IGFBP7: variants seen among roughly 807,000 people sequenced by gnomAD.
IGFBP7 encodes insulin-like growth factor-binding protein 7.
Under a neutral mutation model 29.4 loss-of-function variants are expected in IGFBP7, and 31 were observed. The observed-to-expected ratio is 1.05, with a 90% CI of 0.79 to 1.42. IGFBP7 has a LOEUF of 1.42. IGFBP7 is among the 40% of genes most tolerant of loss of function. The probability of loss-of-function intolerance (pLI) is 0.00; values close to 1 mark genes in which losing one functional copy is unlikely to be tolerated. For missense variants in IGFBP7, 393 were observed against 395.5 expected (o/e 0.99, Z 0.05); for synonymous variants, 172 against 174.9 (o/e 0.98, Z 0.13).
intron 1 of IGFBP7, among the ~76,000 whole-genome samples, chr4:57,090,502 GT>G (rs1725612030): frequency 6.6e-6 from 1 of 152,150 alleles, no homozygotes; most frequent in African/African-American, 2.4e-5. Flanking sequence ...TCCTCACAAA[GT>G]TCTTAATGCT....
In IGFBP7 at chr4:57,087,059, T is replaced by C. The variant is rs539701380; in HGVS notation, c.475+22818A>G. Among the ~76,000 whole-genome samples the C allele has an allele frequency of 2.4e-4, 36 of 152,228 alleles. No homozygotes were observed. The South Asian group carries it at 6.6e-3, about 28-fold the overall frequency. On this transcript the variant is annotated intron_variant, in intron 1 of 4. Transcript: ENST00000295666. ...TAGTGGCTCAGTTATTATGAGGAGA[T>C]TGAATACAGGAGACCGACACACTGT... is the stretch of plus-strand genomic sequence containing the variant.
chr4:57,092,161 C>T (rs1725657642), intron 1 of IGFBP7, among the ~76,000 whole-genome samples: 1 of 152,162 alleles, frequency 6.6e-6, no homozygotes, highest in Non-Finnish European at 1.5e-5. Flanking sequence ...TGGGTGGCTG[C>T]CCTTACAACA....
At chr4:57,092,223 A>G (rs1384566052) in intron 1 of IGFBP7, among the ~76,000 whole-genome samples, 1 of 152,224 alleles carries the variant, frequency 6.6e-6, no homozygotes, top group Admixed American at 6.5e-5. Flanking sequence ...ATGAACCTCA[A>G]TTCAATTATG....
intron 1 of IGFBP7, among the ~76,000 whole-genome samples, chr4:57,089,350 T>C (rs998861978): frequency 2.0e-5 from 3 of 152,314 alleles, no homozygotes; most frequent in Non-Finnish European, 4.4e-5. Context: ...ACATATTAAA[T>C]TAAATCAGGC....
chr4:57,078,266 G>T (rs1713977), intron 1 of IGFBP7, among the ~76,000 whole-genome samples: 5 of 151,836 alleles, frequency 3.3e-5, no homozygotes, highest in Admixed American at 6.6e-5. Flanking sequence ...TTACAGAGGA[G>T]GAAACTGAGA....
At chr4:57,059,813 T>C (rs1290013540) in intron 1 of IGFBP7, among the ~76,000 whole-genome samples, 1 of 152,216 alleles carries the variant, frequency 6.6e-6, no homozygotes, top group African/African-American at 2.4e-5. Context: ...CATCATCAAC[T>C]TTAATATCTA....
At chr4:57,035,391 A>T (rs2109736997) in intron 2 of IGFBP7, among the ~76,000 whole-genome samples, 1 of 152,332 alleles carries the variant, frequency 6.6e-6, no homozygotes, top group East Asian at 1.9e-4. Context: ...TTTTCATATG[A>T]CAAATTTTTA....
At chr4:57,071,216 A>C (rs1432549884) in intron 1 of IGFBP7, among the ~76,000 whole-genome samples, 1 of 152,178 alleles carries the variant, frequency 6.6e-6, no homozygotes, top group Non-Finnish European at 1.5e-5. Flanking sequence ...GGGGGGAATG[A>C]AATACTTGGT....
chr4:57,071,005 A>G (rs1718841), intron 1 of IGFBP7, among the ~76,000 whole-genome samples: 151,042 of 152,334 alleles, frequency 0.99, 74,893 homozygotes, highest in East Asian at 1. Context: ...ACACTACTTC[A>G]TATTTCTTCT....
chr4:57,076,655 G>A (rs947596931), intron 1 of IGFBP7, among the ~76,000 whole-genome samples: 4 of 152,194 alleles, frequency 2.6e-5, no homozygotes, highest in African/African-American at 9.6e-5. Context: ...CAGCTTAGAA[G>A]GTGACGTGGG....
chr4:57,080,753 C>T (rs1725346473), intron 1 of IGFBP7, among the ~76,000 whole-genome samples: 2 of 152,188 alleles, frequency 1.3e-5, no homozygotes, highest in Non-Finnish European at 2.9e-5. Flanking sequence ...GTCTTACTCA[C>T]TCACCCTATG....
chr4:57,052,943 G>A (rs1203737986), intron 1 of IGFBP7, among the ~76,000 whole-genome samples: 1 of 151,958 alleles, frequency 6.6e-6, no homozygotes, highest in Admixed American at 6.5e-5. Context: ...CACAGAACAT[G>A]CACAGAAAGT....
chr4:57,073,128 C>A, intron 1 of IGFBP7: 2 of 1,596,138 alleles, frequency 1.3e-6, no homozygotes, highest in South Asian at 2.2e-5. Context: ...AGCCAGGAGC[C>A]CTGACCCAGG....
chr4:57,109,637 T>G, intron 1 of IGFBP7: 1 of 569,932 alleles, frequency 1.8e-6, no homozygotes, highest in Non-Finnish European at 3.0e-6. Flanking sequence ...CGGCCCTCAC[T>G]TTCTGGACGC....
rs547956612 is a variant in IGFBP7, at chr4:57,031,892, A to C, written c.829+534T>G. 27 of 166,226 alleles carry C rather than the reference A, an allele frequency of 1.6e-4. No individual in the cohort carries two copies. The South Asian group carries it at 4.1e-3, about 25-fold the overall frequency. The allele number at this position is 166,226 out of a possible 1,614,324, so 10.3% of individuals were successfully genotyped here. Reference sequence around the variant, plus strand: ...TTTGTCTAAGGGAAAGCCAATTCAGACATCAGTTTCATAGAACTATATAAA... The same window carrying C: ...TTTGTCTAAGGGAAAGCCAATTCAGCCATCAGTTTCATAGAACTATATAAA... On this transcript the variant is annotated intron_variant, in intron 4 of 4. Coordinates refer to ENST00000295666, the MANE Select transcript of IGFBP7 (RefSeq NM_001553.3).
chr4:57,050,809 C>T (rs1315626419), intron 1 of IGFBP7, among the ~76,000 whole-genome samples: 1 of 151,644 alleles, frequency 6.6e-6, no homozygotes, highest in African/African-American at 2.4e-5. Context: ...CCTCCCTCCT[C>T]GGCCTCTCAA....
At chr4:57,102,977 A>G (rs2109805534) in intron 1 of IGFBP7, among the ~76,000 whole-genome samples, 2 of 152,258 alleles carry the variant, frequency 1.3e-5, no homozygotes, top group Admixed American at 1.3e-4. Flanking sequence ...AAGTGGTGGT[A>G]ATTTGGAGGC....
At chr4:57,045,734 CTT>C (rs11423399) in intron 1 of IGFBP7, among the ~76,000 whole-genome samples, 13 of 145,116 alleles carry the variant, frequency 9.0e-5, no homozygotes, top group Non-Finnish European at 7.5e-5. Flanking sequence ...GGAAAAACTC[CTT>C]TTTTTTTTTT....
At chr4:57,042,221 T>C (rs1724244204) in intron 1 of IGFBP7, among the ~76,000 whole-genome samples, 1 of 152,246 alleles carries the variant, frequency 6.6e-6, no homozygotes, top group Non-Finnish European at 1.5e-5. Context: ...CTTTTTGCTA[T>C]GAAAGTGGTA....
Sources: allele counts gnomAD v4.1 joint callset (sites outside exome capture counted in the v4.1 genomes callset), GRCh38; gene constraint gnomAD v4.1.1; transcripts MANE v1.5; gene names NCBI Gene and HGNC (gene_info 2026-07-23, HGNC 2026-07-21).